Variants in DGCR2 observed in about 807,000 individuals in gnomAD.
The protein encoded by DGCR2 is integral membrane protein DGCR2/IDD.
Under a neutral mutation model 51.6 loss-of-function variants are expected in DGCR2, and 24 were observed. The observed-to-expected ratio is 0.47, with a 90% CI of 0.34 to 0.65. The LOEUF is 0.65. Among genes scored for constraint, DGCR2 ranks in the 30% least tolerant of loss-of-function variants. DGCR2 has a pLI of 0.01. For missense variants in DGCR2, 765 were observed against 772.1 expected (o/e 0.99, Z 0.11); for synonymous variants, 340 against 315.4 (o/e 1.08, Z -0.82).
chr22:19,037,550 CCCGTG>C lies in DGCR2; in HGVS notation c.*1310_*1314del, dbSNP rs1189364893. The C allele has an allele frequency of 6.6e-6, 1 of 152,384 alleles. No individual in the cohort carries two copies. Among genetic ancestry groups the C allele is most frequent in the Non-Finnish European group, 1.5e-5 (1 of 68,220 alleles). The allele number at this position is 152,384 out of a possible 1,614,324, so 9.4% of individuals were successfully genotyped here. ...CCCTGGAAGAGTGGGCCCCCAGTGA[CCCGTG>C]AAGTTCCATGTGCCACCCTCACCTG... On this transcript the variant is annotated 3_prime_UTR_variant, in exon 10 of 10. Transcript: ENST00000263196.
intron 1 of DGCR2, among the ~76,000 whole-genome samples, chr22:19,092,872 C>T (rs1282995218): frequency 6.7e-6 from 1 of 148,290 alleles, no homozygotes; most frequent in Non-Finnish European, 1.5e-5. Flanking sequence ...AATGGTACTG[C>T]GAAACACGGA....
intron 2 of DGCR2, among the ~76,000 whole-genome samples, chr22:19,069,892 AT>A (rs1261021279): frequency 6.6e-6 from 1 of 152,186 alleles, no homozygotes; most frequent in Non-Finnish European, 1.5e-5. Context: ...AAAATATAAA[AT>A]ATGCTACCTG....
chr22:19,096,847 C>T (rs1372574910), intron 1 of DGCR2, among the ~76,000 whole-genome samples: 5 of 150,124 alleles, frequency 3.3e-5, no homozygotes, highest in East Asian at 1.9e-4. Context: ...TGAGCTACCC[C>T]GCCCAGCAGA....
chr22:19,105,300 G>T (rs1224594107), intron 1 of DGCR2, among the ~76,000 whole-genome samples: 1 of 152,128 alleles, frequency 6.6e-6, no homozygotes, highest in Non-Finnish European at 1.5e-5. Context: ...CTCCAGCCTG[G>T]GTGACAGCAT....
At chr22:19,041,517 A>T in intron 8 of DGCR2, 4 of 607,850 alleles carry the variant, frequency 6.6e-6, no homozygotes, top group Non-Finnish European at 1.2e-5. Context: ...CTGGGCTGAC[A>T]CTTCTGTCAG....
chr22:19,049,029 C>G (rs939526923), intron 6 of DGCR2, among the ~76,000 whole-genome samples: 2 of 152,216 alleles, frequency 1.3e-5, no homozygotes, highest in African/African-American at 4.8e-5. Context: ...AGAGCAGTCA[C>G]TACAACACTG....
intron 2 of DGCR2, among the ~76,000 whole-genome samples, chr22:19,079,352 G>A (rs1054883259): frequency 1.3e-5 from 2 of 152,140 alleles, no homozygotes; most frequent in African/African-American, 4.8e-5. Context: ...TCAGTTAAGG[G>A]ATACTCAATC....
At chr22:19,080,984 C>G (rs770434976) in intron 2 of DGCR2, among the ~76,000 whole-genome samples, 1 of 152,204 alleles carries the variant, frequency 6.6e-6, no homozygotes, top group Non-Finnish European at 1.5e-5. Context: ...CCTTGGCACT[C>G]AGAGCCTTCA....
intron 7 of DGCR2, among the ~76,000 whole-genome samples, chr22:19,045,902 A>C (rs2146308548): frequency 6.6e-6 from 1 of 152,128 alleles, no homozygotes; most frequent in Middle Eastern, 3.4e-3. Flanking sequence ...AATTTTTTGT[A>C]TTTTTTGTAG....
At position 19,038,841 on chromosome 22, in the gene DGCR2, C is replaced by G. The variant is rs1400874076; in HGVS notation, c.*24G>C. On this transcript the variant is annotated 3_prime_UTR_variant, in exon 10 of 10. Transcript: ENST00000263196. ...TCTACAACAGACAGGTGCTCCCAGACCGTTGGGGTACAGGCCAGGCCGTCT... is the reference window on the plus strand; with the variant it reads ...TCTACAACAGACAGGTGCTCCCAGAGCGTTGGGGTACAGGCCAGGCCGTCT... 1.9e-6 allele frequency: 3 copies of G among 1,603,526 alleles called. No homozygotes were observed. In the Admixed American group the frequency reaches 5.1e-5, roughly 27 times the overall value.
intron 1 of DGCR2, among the ~76,000 whole-genome samples, chr22:19,091,898 G>A (rs1287924975): frequency 6.6e-6 from 1 of 151,848 alleles, no homozygotes; most frequent in African/African-American, 2.4e-5. Context: ...AAGAGCAAAT[G>A]AAACCCAGCA....
intron 1 of DGCR2, among the ~76,000 whole-genome samples, chr22:19,119,418 C>T (rs4819773): frequency 8.5e-5 from 13 of 152,096 alleles, no homozygotes; most frequent in Non-Finnish European, 4.4e-5. Context: ...CATGACACAT[C>T]TTAAATCAAG....
chr22:19,056,519 T>A, intron 6 of DGCR2: 1 of 456,494 alleles, frequency 2.2e-6, no homozygotes, highest in Admixed American at 4.5e-5. Flanking sequence ...CTGAGACCCC[T>A]GTCCCCCAAA....
At chr22:19,108,569 T>TAAAAAAAAAAAAAAAAAAACAAAAAAAAA (rs2083282742) in intron 1 of DGCR2, among the ~76,000 whole-genome samples, 1 of 90,724 alleles carries the variant, frequency 1.1e-5, no homozygotes, top group African/African-American at 3.7e-5. Flanking sequence ...AGAATTTATC[T>TAAAAAAAAAAAAAAAAAAACAAAAAAAAA]AAAAAAAAAA....
At chr22:19,056,458 C>A (rs978675185) in intron 6 of DGCR2, 2 of 547,552 alleles carry the variant, frequency 3.7e-6, no homozygotes, top group Non-Finnish European at 6.7e-6. Context: ...TCCTGCGAAG[C>A]CAGAAGCCTG....
At chr22:19,067,161 G>A (rs1029992115) in intron 3 of DGCR2, among the ~76,000 whole-genome samples, 7 of 152,118 alleles carry the variant, frequency 4.6e-5, no homozygotes, top group African/African-American at 1.7e-4. Flanking sequence ...AAAGTCTGGG[G>A]GCTGAGGAGT....
chr22:19,082,609 G>A (rs1009224110), intron 2 of DGCR2, among the ~76,000 whole-genome samples: 2 of 151,932 alleles, frequency 1.3e-5, no homozygotes, highest in African/African-American at 4.8e-5. Flanking sequence ...AATTAGACGA[G>A]CGTGGTGGCA....
chr22:19,083,488 G>A (rs1004674451), intron 2 of DGCR2, among the ~76,000 whole-genome samples: 1 of 152,142 alleles, frequency 6.6e-6, no homozygotes, highest in Non-Finnish European at 1.5e-5. Context: ...AAAACTCACG[G>A]AGCTTTAAAG....
intron 1 of DGCR2, among the ~76,000 whole-genome samples, chr22:19,101,080 C>A (rs1439742186): frequency 1.3e-5 from 2 of 152,160 alleles, no homozygotes; most frequent in Non-Finnish European, 2.9e-5. Context: ...CATTGTACTC[C>A]AGCCTGGGCA....
Sources: allele counts gnomAD v4.1 joint callset (sites outside exome capture counted in the v4.1 genomes callset), GRCh38; gene constraint gnomAD v4.1.1; transcripts MANE v1.5; gene names NCBI Gene and HGNC (gene_info 2026-07-23, HGNC 2026-07-21).